The following ST7 variants were observed in gnomAD, a reference collection of about 807,000 sequenced individuals.
ST7 encodes the protein suppression of tumorigenicity 7, also known as suppressor of tumorigenicity 7 protein.
A neutral mutation model predicts 78.7 loss-of-function variants in ST7; 28 were observed. The ratio of observed to expected loss-of-function variants is 0.36; its 90% CI spans 0.26 to 0.49. The LOEUF is 0.49. ST7 is among the 20% of genes least tolerant of loss of function. The pLI, the probability that ST7 is intolerant of heterozygous loss-of-function variation, is 0.99. For synonymous variants in ST7, 247 were observed against 249.6 expected (o/e 0.99, Z 0.10); for missense variants, 418 against 696.0 (o/e 0.60, Z 4.49).
At chr7:117,094,521 G>A (rs893716713) in intron 1 of ST7, among the ~76,000 whole-genome samples, 3 of 152,214 alleles carry the variant, frequency 2.0e-5, no homozygotes, top group Non-Finnish European at 2.9e-5. Flanking sequence ...TGGATTGTGA[G>A]CCTCTTGTGG....
intron 12 of ST7, among the ~76,000 whole-genome samples, chr7:117,195,349 T>C (rs114327679): frequency 0.011 from 1,630 of 152,320 alleles, 28 homozygotes; most frequent in African/African-American, 0.036. Context: ...TGGATACTTC[T>C]GTTTTGGATA....
At chr7:117,037,721 G>T (rs1172508448) in intron 1 of ST7, among the ~76,000 whole-genome samples, 2 of 152,178 alleles carry the variant, frequency 1.3e-5, no homozygotes, top group Non-Finnish European at 2.9e-5. Context: ...ATGGCAAATA[G>T]CATCATCTTG....
At chr7:117,026,572 T>C (rs1322479623) in intron 1 of ST7, among the ~76,000 whole-genome samples, 1 of 152,236 alleles carries the variant, frequency 6.6e-6, no homozygotes, top group Non-Finnish European at 1.5e-5. Context: ...ATTTAATGCA[T>C]GTTTAGAAAT....
intron 9 of ST7, among the ~76,000 whole-genome samples, chr7:117,143,601 A>T (rs1805509005): frequency 6.6e-6 from 1 of 152,086 alleles, no homozygotes; most frequent in Admixed American, 6.6e-5. Context: ...ACCTCATTTA[A>T]TTTTCCTAAC....
At chr7:117,003,588 C>T (rs1241899434) in intron 1 of ST7, among the ~76,000 whole-genome samples, 1 of 151,944 alleles carries the variant, frequency 6.6e-6, no homozygotes, top group Non-Finnish European at 1.5e-5. Context: ...CCTGGCCATG[C>T]CTGGCTAATT....
intron 1 of ST7, among the ~76,000 whole-genome samples, chr7:117,093,329 A>G (rs1260239840): frequency 2.6e-5 from 4 of 152,230 alleles, no homozygotes; most frequent in Non-Finnish European, 1.5e-5. Flanking sequence ...TAATGCTAAT[A>G]TGACAGCTAC....
chr7:116,964,519 G>T (rs1302064143), intron 1 of ST7, among the ~76,000 whole-genome samples: 2 of 152,080 alleles, frequency 1.3e-5, no homozygotes, highest in South Asian at 2.1e-4. Context: ...GCTTGGGTTG[G>T]GGAGCGTGTG....
At chr7:117,117,231 C>CT (rs1262454584) in intron 2 of ST7, among the ~76,000 whole-genome samples, 1 of 152,100 alleles carries the variant, frequency 6.6e-6, no homozygotes, top group East Asian at 1.9e-4. Context: ...TATGATTCTG[C>CT]TGGAAGAACT....
chr7:116,983,366 G>A (rs1794044883), intron 1 of ST7, among the ~76,000 whole-genome samples: 1 of 151,732 alleles, frequency 6.6e-6, no homozygotes. Flanking sequence ...TTACTTATTT[G>A]CTTAACCCAT....
At chr7:117,149,880 G>A (rs10270156) in intron 9 of ST7, among the ~76,000 whole-genome samples, 40,263 of 151,784 alleles carry the variant, frequency 0.27, 6,600 homozygotes, top group African/African-American at 0.47. Flanking sequence ...GTGGTTGCCC[G>A]GGCAACTGGC....
At chr7:117,097,327 CTTT>C (rs762770944) in intron 1 of ST7, among the ~76,000 whole-genome samples, 2 of 136,946 alleles carry the variant, frequency 1.5e-5, no homozygotes, top group Non-Finnish European at 3.2e-5. Flanking sequence ...ATTCTGCTGG[CTTT>C]TTTTTTTTTT....
At chr7:117,029,042 G>A (rs1475477526) in intron 1 of ST7, among the ~76,000 whole-genome samples, 1 of 152,084 alleles carries the variant, frequency 6.6e-6, no homozygotes, top group Non-Finnish European at 1.5e-5. Flanking sequence ...CACATATTTT[G>A]TATGTTAAAT....
At chr7:117,103,049 C>G (rs1650016036) in intron 2 of ST7, among the ~76,000 whole-genome samples, 1 of 151,950 alleles carries the variant, frequency 6.6e-6, no homozygotes, top group Admixed American at 6.6e-5. Flanking sequence ...ACAAGGAAAA[C>G]TATTAAACCC....
chr7:117,054,120 G>A (rs1563045647), intron 1 of ST7, among the ~76,000 whole-genome samples: 1 of 152,074 alleles, frequency 6.6e-6, no homozygotes, highest in Non-Finnish European at 1.5e-5. Flanking sequence ...TTACAGGCAT[G>A]AGCCACCGTG....
chr7:116,978,577 T>C (rs1323044026), intron 1 of ST7, among the ~76,000 whole-genome samples: 6 of 152,080 alleles, frequency 3.9e-5, no homozygotes, highest in Non-Finnish European at 5.9e-5. Flanking sequence ...ATTCTATCTA[T>C]CTATCTATCT....
At chr7:117,065,715 G>C (rs1385857289) in intron 1 of ST7, among the ~76,000 whole-genome samples, 1 of 152,218 alleles carries the variant, frequency 6.6e-6, no homozygotes, top group Non-Finnish European at 1.5e-5. Context: ...GTGGCCTTCT[G>C]ACTGTACTAT....
At chr7:117,106,741 C>T (rs1802006790) in intron 2 of ST7, among the ~76,000 whole-genome samples, 1 of 151,456 alleles carries the variant, frequency 6.6e-6, no homozygotes, top group Non-Finnish European at 1.5e-5. Flanking sequence ...CTGCCTTAGC[C>T]TCCTGAATAG....
intron 9 of ST7, among the ~76,000 whole-genome samples, chr7:117,150,877 T>C (rs1806187779): frequency 6.6e-6 from 1 of 152,266 alleles, no homozygotes; most frequent in Non-Finnish European, 1.5e-5. Context: ...ATCTTGGCTA[T>C]CTTGGTAAGT....
intron 10 of ST7, among the ~76,000 whole-genome samples, chr7:117,172,868 C>A (rs1481801392): frequency 6.6e-6 from 1 of 152,212 alleles, no homozygotes; most frequent in Non-Finnish European, 1.5e-5. Flanking sequence ...TGGCAAGCCT[C>A]TTAAGGCTCC....
Sources: gnomAD v4.1 joint callset for allele counts (sites outside exome capture counted in the v4.1 genomes callset) on GRCh38, gnomAD v4.1.1 for gene constraint, MANE v1.5 for transcripts, NCBI Gene and HGNC (gene_info 2026-07-23, HGNC 2026-07-21) for gene names.